Variants in ADAMTS20 observed in about 807,000 individuals in gnomAD.
ADAMTS20 encodes the protein ADAM metallopeptidase with thrombospondin type 1 motif 20.
Under a neutral mutation model 260.1 loss-of-function variants are expected in ADAMTS20, and 225 were observed. The observed-to-expected ratio is 0.87, with a 90% CI of 0.78 to 0.97. The LOEUF is 0.97. ADAMTS20 is among the 50% of genes least tolerant of loss of function. The probability of loss-of-function intolerance (pLI) is 0.00; values close to 1 mark genes in which losing one functional copy is unlikely to be tolerated. For missense variants in ADAMTS20, 2,400 were observed against 2,337.7 expected, an observed-to-expected ratio of 1.03 and a Z score of -0.55; for synonymous variants, 802 against 769.5, an observed-to-expected ratio of 1.04 and a Z score of -0.70.
intron 29 of ADAMTS20, among the ~76,000 whole-genome samples, chr12:43,389,576 TG>T (rs1310420373): frequency 6.6e-6 from 1 of 152,180 alleles, no homozygotes; most frequent in African/African-American, 2.4e-5. Flanking sequence ...GATTGTAGTT[TG>T]GTGCCTATGG....
intron 2 of ADAMTS20, among the ~76,000 whole-genome samples, chr12:43,539,534 A>G (rs1943347068): frequency 6.6e-6 from 1 of 152,188 alleles, no homozygotes; most frequent in Admixed American, 6.5e-5. Flanking sequence ...ATACCCTACC[A>G]TATTTCACTA....
chr12:43,421,118 A>G (rs1186435266), intron 28 of ADAMTS20, among the ~76,000 whole-genome samples: 1 of 151,444 alleles, frequency 6.6e-6, no homozygotes, highest in Non-Finnish European at 1.5e-5. Context: ...TTACATGATC[A>G]TTTCTGACAG....
At chr12:43,536,056 G>A (rs1282152625) in intron 2 of ADAMTS20, among the ~76,000 whole-genome samples, 1 of 151,808 alleles carries the variant, frequency 6.6e-6, no homozygotes, top group African/African-American at 2.4e-5. Context: ...CCAATATAGA[G>A]ATCAGACATT....
intron 3 of ADAMTS20, among the ~76,000 whole-genome samples, chr12:43,530,443 G>C (rs558628441): frequency 8.5e-5 from 13 of 152,256 alleles, no homozygotes; most frequent in African/African-American, 2.9e-4. Context: ...AAAAGCATAA[G>C]AAAGGCATCT....
chr12:43,460,190 C>T (rs1942034941), intron 11 of ADAMTS20, among the ~76,000 whole-genome samples: 1 of 152,104 alleles, frequency 6.6e-6, no homozygotes, highest in Non-Finnish European at 1.5e-5. Context: ...TGATGCTACC[C>T]CAAATACCAC....
intron 7 of ADAMTS20, among the ~76,000 whole-genome samples, chr12:43,484,040 C>A (rs538447231): frequency 6.6e-6 from 1 of 152,220 alleles, no homozygotes; most frequent in African/African-American, 2.4e-5. Flanking sequence ...AAACCCATTG[C>A]ATGAAGATTT....
intron 36 of ADAMTS20, among the ~76,000 whole-genome samples, chr12:43,370,222 T>G (rs1050516133): frequency 3.3e-5 from 5 of 152,192 alleles, no homozygotes; most frequent in African/African-American, 1.2e-4. Flanking sequence ...AAGGGCAGTT[T>G]CAAAAACCAG....
At chr12:43,382,935 T>G (rs1940385932) in intron 31 of ADAMTS20, among the ~76,000 whole-genome samples, 1 of 152,104 alleles carries the variant, frequency 6.6e-6, no homozygotes, top group African/African-American at 2.4e-5. Flanking sequence ...AAACTATTGA[T>G]ACATACTACA....
intron 9 of ADAMTS20, among the ~76,000 whole-genome samples, chr12:43,466,107 G>A (rs1942147623): frequency 6.6e-6 from 1 of 151,956 alleles, no homozygotes; most frequent in Admixed American, 6.6e-5. Context: ...GGAGAAATGA[G>A]GCAAGAAAAA....
chr12:43,387,296 T>C (rs1452102275), intron 29 of ADAMTS20, among the ~76,000 whole-genome samples: 1 of 152,186 alleles, frequency 6.6e-6, no homozygotes, highest in East Asian at 1.9e-4. Flanking sequence ...CAGAGCCTGC[T>C]TGCCTGGGTA....
chr12:43,528,828 T>C (rs899029967), intron 3 of ADAMTS20, among the ~76,000 whole-genome samples: 1 of 152,108 alleles, frequency 6.6e-6, no homozygotes, highest in African/African-American at 2.4e-5. Flanking sequence ...CAAAAGCTTC[T>C]GCACAGCAAA....
intron 11 of ADAMTS20, among the ~76,000 whole-genome samples, chr12:43,460,198 C>T (rs1942035086): frequency 1.3e-5 from 2 of 152,068 alleles, no homozygotes; most frequent in African/African-American, 2.4e-5. Context: ...CCCCAAATAC[C>T]ACCTTTGCTT....
intron 11 of ADAMTS20, among the ~76,000 whole-genome samples, chr12:43,462,130 C>T (rs1223406260): frequency 6.6e-6 from 1 of 152,190 alleles, no homozygotes; most frequent in East Asian, 1.9e-4. Context: ...ACTGAACTGA[C>T]CTTATTTTTA....
intron 14 of ADAMTS20, among the ~76,000 whole-genome samples, chr12:43,450,606 A>G (rs1242108139): frequency 6.6e-6 from 1 of 152,160 alleles, no homozygotes; most frequent in African/African-American, 2.4e-5. Context: ...TTGGGTGAAC[A>G]GCCTTTATCA....
intron 37 of ADAMTS20, among the ~76,000 whole-genome samples, chr12:43,359,345 C>A (rs7316467): frequency 0.023 from 3,429 of 152,238 alleles, 59 homozygotes; most frequent in East Asian, 0.085. Context: ...CGTTTCACTT[C>A]TTGGATTGAC....
chr12:43,526,647 G>A (rs950906621), intron 3 of ADAMTS20, among the ~76,000 whole-genome samples: 2 of 152,186 alleles, frequency 1.3e-5, no homozygotes, highest in Non-Finnish European at 2.9e-5. Flanking sequence ...AATGATAATA[G>A]TGACACAAGT....
At chr12:43,484,369 T>C (rs1436551410) in intron 7 of ADAMTS20, among the ~76,000 whole-genome samples, 1 of 151,916 alleles carries the variant, frequency 6.6e-6, no homozygotes, top group East Asian at 1.9e-4. Context: ...ATCCAAAAGG[T>C]TGATTATTAA....
chr12:43,508,279 T>G (rs945562656), intron 3 of ADAMTS20, among the ~76,000 whole-genome samples: 2 of 152,184 alleles, frequency 1.3e-5, no homozygotes, highest in African/African-American at 4.8e-5. Flanking sequence ...TTATTATCAT[T>G]ATCATTGAAA....
chr12:43,360,187 G>A (rs903458001), intron 37 of ADAMTS20, among the ~76,000 whole-genome samples: 1 of 152,172 alleles, frequency 6.6e-6, no homozygotes, highest in Non-Finnish European at 1.5e-5. Flanking sequence ...GGTGGCTCAC[G>A]CCTGTAATCC....
Sources: gnomAD v4.1 joint callset for allele counts (sites outside exome capture counted in the v4.1 genomes callset) on GRCh38, gnomAD v4.1.1 for gene constraint, MANE v1.5 for transcripts, NCBI Gene and HGNC (gene_info 2026-07-23, HGNC 2026-07-21) for gene names.